Variants in NCOR2 observed in about 807,000 individuals in gnomAD.
The protein encoded by NCOR2 is CTG repeat protein 26.
NCOR2 carries 81 observed loss-of-function variants against 262.9 expected under a neutral mutation model. The observed-to-expected ratio is 0.31, with a 90% CI of 0.26 to 0.37. NCOR2 has a LOEUF of 0.37. Among genes scored for constraint, NCOR2 ranks in the 10% least tolerant of loss-of-function variants. The pLI, the probability that NCOR2 is intolerant of heterozygous loss-of-function variation, is 1.00. For synonymous variants in NCOR2, 1,659 were observed against 1,559.3 expected (o/e 1.06, Z -1.51); for missense variants, 3,385 against 3,621.4 (o/e 0.93, Z 1.68).
chr12:124,543,049 C>A lies in NCOR2; in HGVS notation c.-164-7438G>T, dbSNP rs558296073. Among the ~76,000 whole-genome samples the A allele has an allele frequency of 2.1e-3, 315 of 150,114 alleles. 1 individual carries two copies. The highest frequency in any genetic ancestry group is 7.3e-3 in the African/African-American group (298 of 40,724). On this transcript the variant is annotated intron_variant, in intron 1 of 32. Transcript: ENST00000458234. ...CAACAGCCAAGGGCGGGTGGGTGGG[C>A]GAAGATGGGGGTCACAGCCTCTCTC...
intron 6 of NCOR2, 58 bp from the exon 9 acceptor site, chr12:124,449,925 G>A: frequency 9.6e-6 from 15 of 1,567,010 alleles, no homozygotes; most frequent in Non-Finnish European, 1.3e-5. Context: ...CCACTACAGA[G>A]CCCACCGGTA....
chr12:124,342,298 G>T (rs2036520474), intron 33 of NCOR2, among the ~76,000 whole-genome samples: 1 of 152,236 alleles, frequency 6.6e-6, no homozygotes, highest in South Asian at 2.1e-4. Context: ...CATCAAAGTT[G>T]TCCCAAACAT....
intron 1 of NCOR2, among the ~76,000 whole-genome samples, chr12:124,506,229 G>A (rs1011784066): frequency 1.3e-5 from 2 of 152,222 alleles, no homozygotes; most frequent in African/African-American, 4.8e-5. Flanking sequence ...GGCTCGGAAA[G>A]GTGAACTGAC....
chr12:124,386,243 C>G (rs2040796217), intron 16 of NCOR2, among the ~76,000 whole-genome samples: 1 of 152,128 alleles, frequency 6.6e-6, no homozygotes, highest in Non-Finnish European at 1.5e-5. Flanking sequence ...GAACGCACAG[C>G]CTCTGCCCAG....
rs530503140 is a variant in NCOR2 at position 124,517,317 on chromosome 12, C to T, written c.-118+18248G>A. On this transcript the variant is annotated intron_variant, in intron 1 of 46. Transcript: ENST00000404621. The surrounding 1 kb of genome is among the most constrained non-coding windows in gnomAD (Gnocchi z 7.6). ...GCCATTCCCGCCACCTCCCTATGGC[C>T]GCGGCGCACCCAGACCTCAGGACAA... Among the ~76,000 whole-genome samples, 4 of 152,286 alleles carry T rather than the reference C, an allele frequency of 2.6e-5. No homozygotes were observed. The highest frequency in any genetic ancestry group is 1.9e-4 in the East Asian group (1 of 5,180).
In NCOR2 at chr12:124,417,068, C is replaced by CGGAGAGCAGGCCGGACAGTCACTCCAT. The variant is rs1565923772; in HGVS notation, c.1482+2888_1482+2889insATGGAGTGACTGTCCGGCCTGCTCTCC. Among the ~76,000 whole-genome samples, 105 of 136,874 alleles carry CGGAGAGCAGGCCGGACAGTCACTCCAT rather than the reference C, an allele frequency of 7.7e-4. 11 individuals carry two copies. Among genetic ancestry groups the CGGAGAGCAGGCCGGACAGTCACTCCAT allele is most frequent in the East Asian group, 1.3e-3 (6 of 4,626 alleles). The allele number at this position is 136,874 out of a possible 152,430, so 89.8% of individuals were successfully genotyped here. A position where few individuals can be genotyped will look rare whatever the true frequency, so the allele number is the denominator to read the frequency against. Reference sequence around the variant, plus strand: ...GAGAGCAAGCCGGACACTCACTCCACGGAGAGCAGGCCGGACAGTCACTCC... The same window carrying CGGAGAGCAGGCCGGACAGTCACTCCAT: ...GAGAGCAAGCCGGACACTCACTCCACGGAGAGCAGGCCGGACAGTCACTCCATGGAGAGCAGGCCGGACAGTCACTCC... On this transcript the variant is annotated intron_variant, in intron 13 of 46. Transcript: ENST00000405201.
exon 37 of NCOR2, chr12:124,340,010 G>C: frequency 6.2e-7 from 1 of 1,608,252 alleles, no homozygotes; most frequent in Non-Finnish European, 8.5e-7. Context: ...GCCCACCTCA[G>C]GACCGTGGGC....
intron 1 of NCOR2, among the ~76,000 whole-genome samples, chr12:124,527,507 T>C (rs2050541722): frequency 6.6e-6 from 1 of 152,096 alleles, no homozygotes; most frequent in Admixed American, 6.5e-5. Flanking sequence ...AGTCTCTGCC[T>C]CCTGGGTTCA....
At chr12:124,327,628 T>C (rs1437205741) in exon 45 of NCOR2, 1 of 1,601,296 alleles carries the variant, frequency 6.2e-7, no homozygotes, top group Admixed American at 1.7e-5. Flanking sequence ...CTATAGGTCA[T>C]AAGGCCTGGG....
At chr12:124,359,632 G>T (rs1457002436) in intron 22 of NCOR2, among the ~76,000 whole-genome samples, 1 of 152,230 alleles carries the variant, frequency 6.6e-6, no homozygotes, top group East Asian at 1.9e-4. Flanking sequence ...ACCCAGCCCT[G>T]TAAGCCTCTG....
In NCOR2 at chr12:124,466,293, G is replaced by A. The variant is rs751706412; in HGVS notation, c.592-7C>T. 19 of 1,603,900 alleles carry A rather than the reference G, an allele frequency of 1.2e-5. No homozygotes were observed. In the Middle Eastern group the frequency reaches 6.6e-4, roughly 56 times the overall value. On this transcript the variant is annotated splice_polypyrimidine_tract_variant and splice_region_variant and intron_variant, in intron 4 of 46. Transcript: ENST00000405201. ...CCTCCTCCTCCAGCTGTTGCTGTGG[G>A]GAGAGGCAGAACGTGAGGGATGAGC...
chr12:124,518,543 C>T (rs895727241), intron 1 of NCOR2, among the ~76,000 whole-genome samples: 2 of 152,254 alleles, frequency 1.3e-5, no homozygotes, highest in African/African-American at 2.4e-5. Context: ...GGGCCTCCAG[C>T]GATCCGTTCT....
chr12:124,434,958 A>G (rs2044247165), intron 8 of NCOR2, among the ~76,000 whole-genome samples: 1 of 152,208 alleles, frequency 6.6e-6, no homozygotes, highest in African/African-American at 2.4e-5. Flanking sequence ...CTACAAATAC[A>G]TGTATTAAGA....
At chr12:124,486,406 C>T (rs1436770241) in intron 2 of NCOR2, 35 bp downstream of exon 4, 18 of 1,609,212 alleles carry the variant, frequency 1.1e-5, no homozygotes, top group African/African-American at 1.3e-5. Context: ...GGAGCTCTCA[C>T]GCCCTGGACA....
chr12:124,531,989 C>T lies in NCOR2; in HGVS notation c.-118+3576G>A, dbSNP rs570753324. 1.3e-5 allele frequency among the ~76,000 whole-genome samples: 2 copies of T among 152,178 alleles called. No homozygotes were observed. Among genetic ancestry groups the T allele is most frequent in the South Asian group, 2.1e-4 (1 of 4,808 alleles). On this transcript the variant is annotated intron_variant, in intron 1 of 46. Coordinates refer to the NCOR2 transcript ENST00000404621. The surrounding 1 kb of genome is among the most constrained non-coding windows in gnomAD (Gnocchi z 4.5). ...CAGCCCCCTTCTAAGGTCCTAGGTC[C>T]GCAGGGAAGAGTGTACCGCTGGGAG...
Position 124,350,503 on chromosome 12 carries a change from A to G in NCOR2, c.3844+84T>C. On this transcript the variant is annotated intron_variant, in intron 28 of 46. Transcript: ENST00000405201. Reference sequence around the variant, plus strand: ...AGATTGTGCTTTCTGATGTCAATCCAGCCCTGCCTCCCTGTGAAGCTACCT... The same window carrying G: ...AGATTGTGCTTTCTGATGTCAATCCGGCCCTGCCTCCCTGTGAAGCTACCT... 4 of 1,529,696 alleles carry G rather than the reference A, an allele frequency of 2.6e-6. No homozygotes were observed. In the South Asian group the frequency reaches 5.0e-5, roughly 19 times the overall value. The allele number at this position is 1,529,696 out of a possible 1,614,324, so 94.8% of individuals were successfully genotyped here. A position where few individuals can be genotyped will look rare whatever the true frequency, so the allele number is the denominator to read the frequency against.
At chr12:124,473,903 C>T (rs754602274) in intron 3 of NCOR2, among the ~76,000 whole-genome samples, 14 of 152,208 alleles carry the variant, frequency 9.2e-5, no homozygotes, top group Non-Finnish European at 2.1e-4. Context: ...ACAGTCCTCA[C>T]CTGTTCAAGG....
exon 47 of NCOR2, chr12:124,325,377 GCC>G: frequency 6.9e-5 from 17 of 246,708 alleles, no homozygotes; most frequent in South Asian, 1.2e-4. Flanking sequence ...ACCTGACACC[GCC>G]CCCCCCCCCG....
chr12:124,437,566 G>A (rs545933293), intron 8 of NCOR2, among the ~76,000 whole-genome samples: 10 of 152,240 alleles, frequency 6.6e-5, no homozygotes, highest in Admixed American at 1.3e-4. Context: ...CCTGCTGCCC[G>A]GCACACAGCC....
Sources: gnomAD v4.1 joint callset for allele counts (sites outside exome capture counted in the v4.1 genomes callset) on GRCh38, gnomAD v4.1.1 for gene constraint, Gnocchi (gnomAD v3.1) non-coding constraint, MANE v1.5 for transcripts, NCBI Gene and HGNC (gene_info 2026-07-23, HGNC 2026-07-21) for gene names.